Variants in ATRNL1 observed in about 807,000 individuals in gnomAD.
ATRNL1 encodes the protein attractin-like protein 1.
ATRNL1 carries 95 observed loss-of-function variants against 182.7 expected under a neutral mutation model. That is an observed-to-expected ratio of 0.52 (90% confidence interval 0.44 to 0.62). The LOEUF is 0.62. Ranked by LOEUF, ATRNL1 falls within the 20% of genes least tolerant of loss-of-function variation. The pLI is 0.00. For missense variants in ATRNL1, 1,471 were observed against 1,679.5 expected (o/e 0.88, Z 2.17); for synonymous variants, 576 against 568.3 (o/e 1.01, Z -0.19).
At chr10:115,604,430 A>T (rs782623154) in intron 26 of ATRNL1, among the ~76,000 whole-genome samples, 4 of 152,158 alleles carry the variant, frequency 2.6e-5, no homozygotes, top group African/African-American at 9.7e-5. Flanking sequence ...TTGGAGCTCA[A>T]CTGTCTTCCA....
intron 5 of ATRNL1, among the ~76,000 whole-genome samples, chr10:115,147,858 C>T (rs782302614): frequency 6.6e-6 from 1 of 152,112 alleles, no homozygotes; most frequent in South Asian, 2.1e-4. Flanking sequence ...GTTTTGGTTA[C>T]TATAGCCTTG....
At chr10:115,840,079 G>T (rs1950768034) in intron 27 of ATRNL1, among the ~76,000 whole-genome samples, 1 of 152,108 alleles carries the variant, frequency 6.6e-6, no homozygotes, top group Non-Finnish European at 1.5e-5. Flanking sequence ...AGTCTTAGGT[G>T]CCAGGGAAAG....
intron 4 of ATRNL1, 95 bp downstream of exon 4, chr10:115,127,816 C>A: frequency 1.2e-6 from 1 of 821,964 alleles, no homozygotes; most frequent in Non-Finnish European, 1.7e-6. Flanking sequence ...TCTTGTATAC[C>A]AGAAGCAGGC....
At chr10:115,763,923 G>A (rs1306006811) in intron 27 of ATRNL1, among the ~76,000 whole-genome samples, 1 of 152,128 alleles carries the variant, frequency 6.6e-6, no homozygotes, top group African/African-American at 2.4e-5. Context: ...AACAGAAGAT[G>A]ATACGGTGAA....
intron 28 of ATRNL1, among the ~76,000 whole-genome samples, chr10:115,883,576 C>A (rs1200179714): frequency 1.3e-5 from 2 of 152,236 alleles, no homozygotes; most frequent in African/African-American, 4.8e-5. Context: ...CTACATGCAG[C>A]AATGCAGATG....
At chr10:115,530,761 C>A (rs11818248) in intron 25 of ATRNL1, among the ~76,000 whole-genome samples, 9,507 of 144,026 alleles carry the variant, frequency 0.066, 631 homozygotes, top group African/African-American at 0.17. Context: ...TATATCTCCT[C>A]ATGCTATCCC....
chr10:115,865,364 A>G (rs1330425685), intron 28 of ATRNL1, among the ~76,000 whole-genome samples: 1 of 152,186 alleles, frequency 6.6e-6, no homozygotes, highest in Non-Finnish European at 1.5e-5. Context: ...ATTTATCTCA[A>G]AGTAAAAAGC....
intron 20 of ATRNL1, among the ~76,000 whole-genome samples, chr10:115,424,523 A>C (rs921982677): frequency 6.6e-6 from 1 of 152,222 alleles, no homozygotes; most frequent in Non-Finnish European, 1.5e-5. Flanking sequence ...CAAGATATGG[A>C]ATCAATCTAA....
intron 9 of ATRNL1, among the ~76,000 whole-genome samples, chr10:115,229,190 G>A (rs1339962760): frequency 6.6e-6 from 1 of 151,962 alleles, no homozygotes; most frequent in Non-Finnish European, 1.5e-5. Context: ...CTTAAAAAAT[G>A]TTTTCATAGG....
rs1310922637 is a variant in ATRNL1 at position 115,609,645 on chromosome 10, C to A, written c.3795+60109C>A. Among the ~76,000 whole-genome samples, 4 of 151,874 alleles carry A rather than the reference C, an allele frequency of 2.6e-5. No individual in the cohort carries two copies. In the East Asian group the frequency reaches 7.8e-4, roughly 30 times the overall value. On this transcript the variant is annotated intron_variant, in intron 26 of 28. Transcript: ENST00000355044. ...CAAGTGTGATTATTTTGCCTGCTTTCTCCTATTCATTTTTTTTTAACACAG... is the reference window on the plus strand; with the variant it reads ...CAAGTGTGATTATTTTGCCTGCTTTATCCTATTCATTTTTTTTTAACACAG...
chr10:115,749,297 C>T (rs1555070032), intron 27 of ATRNL1, among the ~76,000 whole-genome samples: 1 of 151,434 alleles, frequency 6.6e-6, no homozygotes, highest in Non-Finnish European at 1.5e-5. Context: ...CCAATAATTC[C>T]AAAACAAAGA....
chr10:115,397,889 A>T (rs1844366137), intron 20 of ATRNL1, among the ~76,000 whole-genome samples: 1 of 151,960 alleles, frequency 6.6e-6, no homozygotes, highest in East Asian at 1.9e-4. Context: ...AAAACAGGGT[A>T]ATCAAATGAC....
chr10:115,884,637 A>G (rs1951900730), intron 28 of ATRNL1, among the ~76,000 whole-genome samples: 1 of 152,194 alleles, frequency 6.6e-6, no homozygotes, highest in Non-Finnish European at 1.5e-5. Context: ...CCACCTGGAC[A>G]CTTCATTATG....
Position 115,941,584 on chromosome 10 carries a change from A to C in ATRNL1, c.4019-3074A>C, listed in dbSNP as rs537585646. Reference sequence around the variant, plus strand: ...ATGAATAACATGATTTCATATTTGGATGTTGTGATCATTGAAATTAGTGTA... The same window carrying C: ...ATGAATAACATGATTTCATATTTGGCTGTTGTGATCATTGAAATTAGTGTA... On this transcript the variant is annotated intron_variant, in intron 28 of 28. Coordinates refer to ENST00000355044, the MANE Select transcript of ATRNL1 (RefSeq NM_207303.4). 3.9e-5 allele frequency among the ~76,000 whole-genome samples: 6 copies of C among 152,282 alleles called. No individual in the cohort carries two copies. The East Asian group carries it at 9.7e-4, about 25-fold the overall frequency.
At chr10:115,821,801 A>G (rs958443687) in intron 27 of ATRNL1, among the ~76,000 whole-genome samples, 3 of 152,208 alleles carry the variant, frequency 2.0e-5, no homozygotes, top group African/African-American at 7.2e-5. Flanking sequence ...TTAGAGACCT[A>G]CAAAGAGACT....
chr10:115,572,681 GTCTGGGATTCCAGAGAGAGT>G (rs1854471166), intron 26 of ATRNL1, among the ~76,000 whole-genome samples: 1 of 152,302 alleles, frequency 6.6e-6, no homozygotes, highest in East Asian at 1.9e-4. Context: ...CCAGAGAGAG[GTCTGGGATTCCAGAGAGAGT>G]TCTGGGCTGA....
intron 24 of ATRNL1, among the ~76,000 whole-genome samples, chr10:115,515,069 C>A: frequency 6.6e-6 from 1 of 152,028 alleles, no homozygotes; most frequent in Non-Finnish European, 1.5e-5. Flanking sequence ...AGGATCCCTT[C>A]AACTAACCTA....
chr10:115,383,658 G>T (rs1480503861), intron 19 of ATRNL1, among the ~76,000 whole-genome samples: 1 of 151,724 alleles, frequency 6.6e-6, no homozygotes, highest in Non-Finnish European at 1.5e-5. Flanking sequence ...TATCATACTT[G>T]GTGCTGCTTC....
chr10:115,368,110 G>C (rs1261749753), intron 19 of ATRNL1, among the ~76,000 whole-genome samples: 8 of 152,188 alleles, frequency 5.3e-5, no homozygotes, highest in Non-Finnish European at 1.0e-4. Context: ...AATGGCGGGC[G>C]CCCCTCCCCC....
Sources: gnomAD v4.1 joint callset for allele counts (sites outside exome capture counted in the v4.1 genomes callset) on GRCh38, gnomAD v4.1.1 for gene constraint, MANE v1.5 for transcripts, NCBI Gene and HGNC (gene_info 2026-07-23, HGNC 2026-07-21) for gene names.